USP47: variants seen among roughly 807,000 people sequenced by gnomAD.
The protein encoded by USP47 is ubiquitin carboxyl-terminal hydrolase 47.
USP47 carries 35 observed loss-of-function variants against 165.1 expected under a neutral mutation model. That is an observed-to-expected ratio of 0.21 (90% CI 0.16 to 0.28). USP47 has a LOEUF of 0.28. Among genes scored for constraint, USP47 ranks in the 10% least tolerant of loss-of-function variants. The probability of loss-of-function intolerance (pLI) is 1.00; values close to 1 mark genes in which losing one functional copy is unlikely to be tolerated. For missense variants in USP47, 1,277 were observed against 1,607.4 expected, an observed-to-expected ratio of 0.79 and a Z score of 3.52; for synonymous variants, 531 against 544.5, an observed-to-expected ratio of 0.98 and a Z score of 0.35.
chr11:11,940,467 G>A lies in USP47; in HGVS notation c.2232G>A (p.Leu744=). 1 of 1,611,790 alleles carries A rather than the reference G, an allele frequency of 6.2e-7. No individual in the cohort carries two copies. Among genetic ancestry groups the A allele is most frequent in the East Asian group, 2.2e-5 (1 of 44,818 alleles). The change falls in exon 19 of 28, where the codon CTG becomes CTA. Residue 744 remains leucine (L), a synonymous_variant. Transcript: ENST00000527733. ...HLPAETMRIV[L]ERCYNDLRLL... is the part of the protein sequence containing the mutation. ...CTGCTGAAACAATGAGAATAGTGCT[G>A]GAACGCTGCTACAATGATTTGCGTC...
intron 22 of USP47, 73 bp from the exon 23 acceptor site, chr11:11,949,816 T>G: frequency 9.8e-7 from 1 of 1,015,996 alleles, no homozygotes; most frequent in Non-Finnish European, 1.4e-6. Context: ...TTGGTAATTT[T>G]TATTTTAATG....
At chr11:11,856,783 C>T (rs4910030) in intron 1 of USP47, 119,234 of 152,350 alleles carry the variant, frequency 0.78, 47,382 homozygotes, top group African/African-American at 0.93. Flanking sequence ...CTTTCTAGTA[C>T]ACAACATATT....
intron 1 of USP47, among the ~76,000 whole-genome samples, chr11:11,876,124 A>C (rs1850402290): frequency 6.6e-6 from 1 of 152,192 alleles, no homozygotes; most frequent in Non-Finnish European, 1.5e-5. Context: ...GTACTTGGCT[A>C]GATTTTCTTT....
Position 11,936,412 on chromosome 11 carries a change from TG to T in USP47, c.1983del (p.Leu662PhefsTer3). 1 of 1,610,514 alleles carries T rather than the reference TG, an allele frequency of 6.2e-7. No homozygotes were observed. Among genetic ancestry groups the T allele is most frequent in the Non-Finnish European group, 8.5e-7 (1 of 1,177,642 alleles). ...TATGAAGGAGAAGAAGATACACCAA[TG>T]GGGCTTCTACTAGGTGGCGTCAAGT... ...RSYEGEEDTP[M>X]GLLLGGVKST... On this transcript the variant is annotated frameshift_variant, in exon 17 of 28. Transcript: ENST00000527733. LOFTEE classifies it high-confidence loss of function.
At chr11:11,954,748 C>G (rs1449122384) in intron 25 of USP47, 149 bp from the exon 26 acceptor site, 1 of 812,862 alleles carries the variant, frequency 1.2e-6, no homozygotes, top group Non-Finnish European at 1.9e-6. Flanking sequence ...ATGGTATTTG[C>G]AGGGTGGCCG....
chr11:11,948,171 T>A, intron 21 of USP47, 51 bp downstream of exon 21: 1 of 1,547,816 alleles, frequency 6.5e-7, no homozygotes, highest in Non-Finnish European at 8.7e-7. Context: ...AATGATAGAT[T>A]TGAGAACAGC....
chr11:11,936,496 C>T lies in USP47; in HGVS notation c.2063C>T (p.Ser688Phe), dbSNP rs1329244077. ...AGAAAGCCTGATCAGGTTTTCCAAT[C>T]TTATAAACCTGGAGGTGAGCAATTT... ...ETRKPDQVFQ[S>F]YKPGEVMVKV... is the part of the protein sequence containing the mutation. Residue 688 changes from serine to phenylalanine, a missense_variant, in exon 17 of 28, where the codon TCT becomes TTT. Around this residue, in one of 4 missense-constraint regions of USP47, gnomAD observed 909 missense variants for 1,068.1 expected, o/e 0.85. Coordinates refer to ENST00000527733, the MANE Select transcript of USP47 (RefSeq NM_001282659.2). The T allele has an allele frequency of 1.3e-6, 2 of 1,583,842 alleles. No individual in the cohort carries two copies. Among genetic ancestry groups the T allele is most frequent in the Non-Finnish European group, 8.6e-7 (1 of 1,160,522 alleles).
chr11:11,905,164 A>G (rs1249611087), intron 7 of USP47, among the ~76,000 whole-genome samples: 1 of 151,420 alleles, frequency 6.6e-6, no homozygotes, highest in Non-Finnish European at 1.5e-5. Flanking sequence ...GTGTTAATCT[A>G]ATTTTATTGA....
chr11:11,854,751 C>T lies in USP47; in HGVS notation c.39+12527C>T, dbSNP rs141029896. On this transcript the variant is annotated intron_variant, in intron 1 of 27. Transcript: ENST00000527733. ...AATCCTAAATTATTGTTAGATTTGACAGGTTCTCTTATATGATCAAGTAAG... is the reference window on the plus strand; with the variant it reads ...AATCCTAAATTATTGTTAGATTTGATAGGTTCTCTTATATGATCAAGTAAG... Among the ~76,000 whole-genome samples, 125 of 147,596 alleles carry T rather than the reference C, an allele frequency of 8.5e-4. 6 individuals are homozygous for T. Among genetic ancestry groups the T allele is most frequent in the African/African-American group, 2.9e-3 (120 of 41,326 alleles).
At chr11:11,846,491 G>A (rs912216448) in intron 1 of USP47, among the ~76,000 whole-genome samples, 19 of 152,072 alleles carry the variant, frequency 1.2e-4, no homozygotes, top group Non-Finnish European at 2.5e-4. Context: ...GAAGGAAAAA[G>A]AGTAGAAATG....
At chr11:11,922,297 G>A (rs979387256) in intron 10 of USP47, among the ~76,000 whole-genome samples, 4 of 151,776 alleles carry the variant, frequency 2.6e-5, no homozygotes, top group African/African-American at 7.3e-5. Flanking sequence ...AATACCTAAC[G>A]CACTGATAAA....
At chr11:11,943,582 C>G (rs1855630305) in intron 20 of USP47, 1 of 152,072 alleles carries the variant, frequency 6.6e-6, no homozygotes, top group African/African-American at 2.4e-5. Context: ...AAAAAGCGCT[C>G]TTAAAATTTT....
chr11:11,877,592 A>G (rs1291073072), intron 1 of USP47, among the ~76,000 whole-genome samples: 2 of 152,200 alleles, frequency 1.3e-5, no homozygotes, highest in Non-Finnish European at 2.9e-5. Flanking sequence ...ATAAAATAGA[A>G]TTTATTAAGT....
At chr11:11,857,855 G>C (rs187773406) in intron 1 of USP47, among the ~76,000 whole-genome samples, 156 of 152,310 alleles carry the variant, frequency 1.0e-3, no homozygotes, top group Admixed American at 3.7e-3. Flanking sequence ...TTGGCAAACA[G>C]ACTGATTACG....
intron 19 of USP47, among the ~76,000 whole-genome samples, chr11:11,941,550 G>A (rs546038837): frequency 1.3e-5 from 2 of 152,078 alleles, no homozygotes; most frequent in African/African-American, 4.8e-5. Flanking sequence ...GGAAAATAGA[G>A]TGAACCCCCA....
intron 19 of USP47, 73 bp from the exon 20 acceptor site, chr11:11,942,262 G>A: frequency 7.0e-7 from 1 of 1,429,040 alleles, no homozygotes; most frequent in Non-Finnish European, 9.5e-7. Context: ...TTGTATTGAT[G>A]CAATATAATG....
intron 1 of USP47, among the ~76,000 whole-genome samples, chr11:11,845,605 A>T (rs997063239): frequency 2.0e-5 from 3 of 152,060 alleles, no homozygotes; most frequent in African/African-American, 4.8e-5. Context: ...TTGTTTTTGT[A>T]GGTTTTGTAC....
chr11:11,868,802 T>C (rs1448617922), intron 1 of USP47, among the ~76,000 whole-genome samples: 1 of 152,128 alleles, frequency 6.6e-6, no homozygotes, highest in Non-Finnish European at 1.5e-5. Flanking sequence ...TGCTATTTTT[T>C]TTTTATTTTA....
At chr11:11,909,003 G>C (rs572342871) in intron 8 of USP47, among the ~76,000 whole-genome samples, 9 of 152,202 alleles carry the variant, frequency 5.9e-5, no homozygotes, top group African/African-American at 2.2e-4. Flanking sequence ...TAGTTGAGAA[G>C]TTTGTTTAAA....
Sources: gnomAD v4.1 joint callset for allele counts (sites outside exome capture counted in the v4.1 genomes callset) on GRCh38, gnomAD v4.1.1 for gene constraint, gnomAD v4.1.1 regional missense constraint, MANE v1.5 for transcripts, NCBI Gene and HGNC (gene_info 2026-07-23, HGNC 2026-07-21) for gene names.